Variants in MASP1 observed in about 807,000 individuals in gnomAD.
MASP1 encodes the protein mannan-binding lectin serine protease 1.
A neutral mutation model predicts 77.1 loss-of-function variants in MASP1; 59 were observed. That is an observed-to-expected ratio of 0.77 (90% CI 0.62 to 0.95). MASP1 has a LOEUF of 0.95. Among genes scored for constraint, MASP1 ranks in the 40% least tolerant of loss-of-function variants. MASP1 has a pLI of 0.00. For missense variants in MASP1, 885 were observed against 912.9 expected, an observed-to-expected ratio of 0.97 and a Z score of 0.39; for synonymous variants, 362 against 354.5, an observed-to-expected ratio of 1.02 and a Z score of -0.24.
At position 187,235,412 on chromosome 3, in the gene MASP1, T is replaced by C. The variant is rs1560237411; in HGVS notation, c.*272A>G. The C allele has an allele frequency of 2.0e-6, 3 of 1,478,886 alleles. No individual in the cohort carries two copies. The highest frequency in any genetic ancestry group is 2.7e-6 in the Non-Finnish European group (3 of 1,112,044). The allele number at this position is 1,478,886 out of a possible 1,614,324, so 91.6% of individuals were successfully genotyped here. A position where few individuals can be genotyped will look rare whatever the true frequency, so the allele number is the denominator to read the frequency against. On this transcript the variant is annotated 3_prime_UTR_variant, in exon 11 of 11. Coordinates refer to ENST00000296280, the MANE Select transcript of MASP1 (RefSeq NM_139125.4). ...AGTGCTGGGATTGGCACAGAGGCCT[T>C]GGTTGAGCTCCTGCATTGTATTACT...
Position 187,234,291 on chromosome 3 carries a change from G to T in MASP1, c.*1393C>A, listed in dbSNP as rs961123134. On this transcript the variant is annotated 3_prime_UTR_variant, in exon 11 of 11. Transcript: ENST00000296280. Reference sequence around the variant, plus strand: ...ATCATTCCCTCTCAGGGGCTTCTCTGGCTGCCTTGCTCTGATGGAGATTTT... The same window carrying T: ...ATCATTCCCTCTCAGGGGCTTCTCTTGCTGCCTTGCTCTGATGGAGATTTT... The T allele has an allele frequency of 2.3e-6, 3 of 1,287,230 alleles. No homozygotes were observed. Among genetic ancestry groups the T allele is most frequent in the Non-Finnish European group, 3.0e-6 (3 of 988,674 alleles). The allele number at this position is 1,287,230 out of a possible 1,614,324, so 79.7% of individuals were successfully genotyped here. A position where few individuals can be genotyped will look rare whatever the true frequency, so the allele number is the denominator to read the frequency against.
exon 16 of MASP1, chr3:187,219,087 G>C (rs981749706): frequency 2.6e-5 from 4 of 152,346 alleles, no homozygotes; most frequent in Admixed American, 2.6e-4. Flanking sequence ...ATGTCCTTGG[G>C]AACCCACCCG....
chr3:187,262,777 C>A, intron 2 of MASP1, 57 bp from the exon 3 acceptor site: 1 of 1,546,518 alleles, frequency 6.5e-7, no homozygotes, highest in South Asian at 1.1e-5. Context: ...AGGCTTCTTT[C>A]CTTATCTTTA....
At chr3:187,219,886 C>T (rs1711931717) in exon 16 of MASP1, 16 of 665,780 alleles carry the variant, frequency 2.4e-5, no homozygotes, top group Non-Finnish European at 4.3e-5. Context: ...TCTGACCACT[C>T]TCTTGCTCCA....
At chr3:187,289,212 T>A (rs1285707969) in intron 1 of MASP1, among the ~76,000 whole-genome samples, 2 of 152,180 alleles carry the variant, frequency 1.3e-5, no homozygotes, top group East Asian at 3.9e-4. Flanking sequence ...TCTGTAAAAA[T>A]GCCTGCATAT....
chr3:187,247,004 T>C lies in MASP1; in HGVS notation c.1090+3247A>G. The C allele has an allele frequency of 3.2e-6, 4 of 1,252,098 alleles. No homozygotes were observed. The South Asian group carries it at 6.9e-5, about 22-fold the overall frequency. The allele number at this position is 1,252,098 out of a possible 1,614,324, so 77.6% of individuals were successfully genotyped here. On this transcript the variant is annotated intron_variant, in intron 8 of 10. Transcript: ENST00000296280. The stretch of plus-strand genomic sequence containing the variant: ...AGCCTGAGGCCACATGGTTGTATAT[T>C]AAATCTTTTGTCTCAAGGACCAAGG...
chr3:187,235,362 G>A lies in MASP1; in HGVS notation c.*322C>T, dbSNP rs906307067. ...GGTCAGGAGTGAATAAAGGCCACTG[G>A]GGTAAGAAGCATGGCCTGGAAAGGA... is the stretch of plus-strand genomic sequence containing the variant. On this transcript the variant is annotated 3_prime_UTR_variant, in exon 11 of 11. Transcript: ENST00000296280. The A allele has an allele frequency of 7.1e-7, 1 of 1,413,506 alleles. No individual in the cohort carries two copies. The highest frequency in any genetic ancestry group is 1.4e-5 in the African/African-American group (1 of 70,422). The allele number at this position is 1,413,506 out of a possible 1,614,324, so 87.6% of individuals were successfully genotyped here. A position where few individuals can be genotyped will look rare whatever the true frequency, so the allele number is the denominator to read the frequency against.
intron 5 of MASP1, 112 bp downstream of exon 5, chr3:187,256,552 C>A: frequency 2.1e-6 from 2 of 954,480 alleles, no homozygotes; most frequent in Non-Finnish European, 3.4e-6. Context: ...GAGGAACTAG[C>A]TGCTAGGCTC....
chr3:187,228,250 G>A (rs1712552824), intron 11 of MASP1, among the ~76,000 whole-genome samples: 1 of 143,102 alleles, frequency 7.0e-6, no homozygotes, highest in Non-Finnish European at 1.5e-5. Flanking sequence ...TTGCACCACT[G>A]TACTCCATCC....
rs1368302328 is a variant in MASP1 at position 187,234,775 on chromosome 3, G to C, written c.*909C>G. 7.8e-7 allele frequency: 1 copy of C among 1,287,226 alleles called. No individual in the cohort carries two copies. The highest frequency in any genetic ancestry group is 1.2e-5 in the South Asian group (1 of 80,934). 79.7% of individuals were successfully genotyped at this position (1,287,226 alleles called of 1,614,324 possible). A position where few individuals can be genotyped will look rare whatever the true frequency, so the allele number is the denominator to read the frequency against. On this transcript the variant is annotated 3_prime_UTR_variant, in exon 11 of 11. Transcript: ENST00000296280. ...ACAGTGTGGGTCTTTTCTTTTTCCA[G>C]GTAATCGACTAAGTCCCCATATTCG...
rs150600860 is a variant in MASP1, at chr3:187,262,640, C to T, written c.318G>A (p.Val106=). Residue 106 remains valine (V), a synonymous_variant, in exon 3 of 11, where the codon GTG becomes GTA. Coordinates refer to ENST00000296280, the MANE Select transcript of MASP1 (RefSeq NM_139125.4). ...TDTEQTPGQE[V]VLSPGSFMSI... ...ACATGAAGGAGCCAGGGGAGAGGACCACCTCCTGGCCGGGAGTCTGCTCTG... is the reference window on the plus strand; with the variant it reads ...ACATGAAGGAGCCAGGGGAGAGGACTACCTCCTGGCCGGGAGTCTGCTCTG... 329 of 1,613,956 alleles carry T rather than the reference C, an allele frequency of 2.0e-4. No homozygotes were observed. The highest frequency in any genetic ancestry group is 2.5e-4 in the Non-Finnish European group (290 of 1,179,984).
chr3:187,236,592 G>A (rs763168858), intron 10 of MASP1, 25 bp from the exon 11 acceptor site: 1 of 1,613,486 alleles, frequency 6.2e-7, no homozygotes, highest in Admixed American at 1.7e-5. Flanking sequence ...AGGGAGCAGG[G>A]ACAAGAGACA....
chr3:187,222,661 T>C (rs568101918), intron 14 of MASP1, among the ~76,000 whole-genome samples: 2 of 150,996 alleles, frequency 1.3e-5, no homozygotes, highest in East Asian at 3.9e-4. Flanking sequence ...AAACTATGGC[T>C]CCTTACTTTT....
rs942226106 is a variant in MASP1 at position 187,251,904 on chromosome 3, TTCTGG to T, written c.893-157_893-153del. On this transcript the variant is annotated intron_variant, in intron 6 of 10. Coordinates refer to ENST00000296280, the MANE Select transcript of MASP1 (RefSeq NM_139125.4). Reference sequence around the variant, plus strand: ...TCTTCCAAGCCCTGCAAGAGACTAATTCTGGAACCGTGAATAGGGCAGTTTCCAAC... The same window carrying T: ...TCTTCCAAGCCCTGCAAGAGACTAATAACCGTGAATAGGGCAGTTTCCAAC... 12 of 702,722 alleles carry T rather than the reference TTCTGG, an allele frequency of 1.7e-5. No individual in the cohort carries two copies. In the African/African-American group the frequency reaches 1.8e-4, roughly 10 times the overall value. The allele number at this position is 702,722 out of a possible 1,614,324, so 43.5% of individuals were successfully genotyped here. A position where few individuals can be genotyped will look rare whatever the true frequency, so the allele number is the denominator to read the frequency against.
rs573425231 is a variant in MASP1, at chr3:187,265,070, A to T, written c.238-2350T>A. 3.9e-5 allele frequency among the ~76,000 whole-genome samples: 6 copies of T among 152,270 alleles called. No homozygotes were observed. In the East Asian group the frequency reaches 1.2e-3, roughly 29 times the overall value. On this transcript the variant is annotated intron_variant, in intron 2 of 10. Transcript: ENST00000296280. ...TAGATTCCTTTCCAATTCCAGACAT[A>T]GCAGTCATCATAGTCTAACACAGTT... is the stretch of plus-strand genomic sequence containing the variant.
rs145055072 is a variant in MASP1 at position 187,272,474 on chromosome 3, A to G, written c.238-9754T>C. Among the ~76,000 whole-genome samples, 258 of 152,314 alleles carry G rather than the reference A, an allele frequency of 1.7e-3. 8 individuals are homozygous for G. In the East Asian group the frequency reaches 0.028, roughly 17 times the overall value. ...CCTGTTTCTCTGCATGTGACCTTAT[A>G]TGGAAACAGGTCTTTGCAGATGTAA... On this transcript the variant is annotated intron_variant, in intron 2 of 10. Transcript: ENST00000296280.
chr3:187,250,425 C>G, intron 7 of MASP1, 96 bp from the exon 8 acceptor site: 2 of 886,050 alleles, frequency 2.3e-6, no homozygotes, highest in Admixed American at 1.7e-5. Flanking sequence ...CCACACGTGT[C>G]TTGATCTCGA....
At chr3:187,220,373 A>G in intron 15 of MASP1, 1 of 913,710 alleles carries the variant, frequency 1.1e-6, no homozygotes, top group South Asian at 1.6e-5. Context: ...GGCATAGCAG[A>G]CCGTTGGACC....
At chr3:187,271,287 T>G (rs546068942) in intron 2 of MASP1, among the ~76,000 whole-genome samples, 2 of 152,346 alleles carry the variant, frequency 1.3e-5, no homozygotes, top group Admixed American at 1.3e-4. Flanking sequence ...AAGTTATCTG[T>G]TGGTTCCATA....
Sources: allele counts gnomAD v4.1 joint callset (sites outside exome capture counted in the v4.1 genomes callset), GRCh38; gene constraint gnomAD v4.1.1; transcripts MANE v1.5; gene names NCBI Gene and HGNC (gene_info 2026-07-23, HGNC 2026-07-21).